The following DPP6 variants were observed in gnomAD, a reference collection of about 807,000 sequenced individuals.
DPP6 encodes dipeptidyl peptidase like 6.
Under a neutral mutation model 122.6 loss-of-function variants are expected in DPP6, and 69 were observed. That is an observed-to-expected ratio of 0.56 (90% CI 0.46 to 0.69). DPP6 has a LOEUF of 0.69. Among genes scored for constraint, DPP6 ranks in the 30% least tolerant of loss-of-function variants. The probability of loss-of-function intolerance (pLI) is 0.00; values close to 1 mark genes in which losing one functional copy is unlikely to be tolerated. For missense variants in DPP6, 928 were observed against 1,116.9 expected (o/e 0.83, Z 2.41); for synonymous variants, 418 against 433.1 (o/e 0.97, Z 0.43).
chr7:154,746,778 A>G (rs2131435173), intron 8 of DPP6, among the ~76,000 whole-genome samples: 1 of 152,330 alleles, frequency 6.6e-6, no homozygotes, highest in South Asian at 2.1e-4. Flanking sequence ...TTTCACAAAA[A>G]CAAACAGAAG....
intron 1 of DPP6, among the ~76,000 whole-genome samples, chr7:154,042,049 G>T (rs1322888728): frequency 6.6e-6 from 1 of 152,060 alleles, no homozygotes; most frequent in African/African-American, 2.4e-5. Flanking sequence ...GAGCCACGGC[G>T]CCTGGCCTCT....
At chr7:154,567,007 G>A (rs1457621175) in intron 5 of DPP6, 91 bp downstream of exon 5, 3 of 927,996 alleles carry the variant, frequency 3.2e-6, no homozygotes, top group Non-Finnish European at 4.9e-6. Context: ...TATACTTAGT[G>A]ATCTTTGAAT....
chr7:154,234,543 A>G (rs530297276), intron 1 of DPP6, among the ~76,000 whole-genome samples: 1 of 152,080 alleles, frequency 6.6e-6, no homozygotes, highest in Non-Finnish European at 1.5e-5. Context: ...CTACCTTTGG[A>G]CTTGAGGGGC....
At chr7:154,428,086 A>G (rs1818059271) in intron 1 of DPP6, among the ~76,000 whole-genome samples, 1 of 152,210 alleles carries the variant, frequency 6.6e-6, no homozygotes, top group Non-Finnish European at 1.5e-5. Context: ...AATTCTTCTG[A>G]ATAAGAAAAC....
At chr7:154,278,977 A>G (rs566871728) in intron 1 of DPP6, among the ~76,000 whole-genome samples, 1 of 151,582 alleles carries the variant, frequency 6.6e-6, no homozygotes, top group Non-Finnish European at 1.5e-5. Flanking sequence ...GTGTGTATAT[A>G]TGTGTGTGTG....
At chr7:154,112,977 A>G (rs557349885) in intron 1 of DPP6, among the ~76,000 whole-genome samples, 1 of 152,318 alleles carries the variant, frequency 6.6e-6, no homozygotes, top group African/African-American at 2.4e-5. Flanking sequence ...TGTAGGGTTT[A>G]TCCTTCTGTG....
chr7:154,778,520 A>G (rs1020456982), intron 10 of DPP6, among the ~76,000 whole-genome samples: 2 of 151,906 alleles, frequency 1.3e-5, no homozygotes, highest in Non-Finnish European at 2.9e-5. Flanking sequence ...AAAACAGCAC[A>G]GAACAATAGA....
intron 10 of DPP6, among the ~76,000 whole-genome samples, chr7:154,780,534 G>A (rs1312900626): frequency 1.3e-5 from 2 of 152,206 alleles, no homozygotes; most frequent in East Asian, 1.9e-4. Context: ...ATATCTTCCA[G>A]CTAGCAAAAC....
chr7:153,970,967 G>A (rs1585110955), intron 1 of DPP6, among the ~76,000 whole-genome samples: 1 of 152,180 alleles, frequency 6.6e-6, no homozygotes, highest in Admixed American at 6.5e-5. Context: ...GGCTATTCTA[G>A]ATTACTTATG....
intron 7 of DPP6, among the ~76,000 whole-genome samples, chr7:154,680,705 T>G (rs1839228575): frequency 6.9e-6 from 1 of 144,938 alleles, no homozygotes; most frequent in Non-Finnish European, 1.5e-5. Context: ...AAAAAAAAAT[T>G]AAAAAGAGAA....
intron 7 of DPP6, among the ~76,000 whole-genome samples, chr7:154,690,628 C>G (rs12719583): frequency 2.6e-5 from 4 of 152,200 alleles, no homozygotes; most frequent in African/African-American, 7.2e-5. Context: ...AACCACCCCC[C>G]ACCCCGCATC....
chr7:154,043,616 A>G (rs1436125669), intron 1 of DPP6, among the ~76,000 whole-genome samples: 1 of 150,858 alleles, frequency 6.6e-6, no homozygotes, highest in African/African-American at 2.4e-5. Flanking sequence ...AAAATTGCCT[A>G]CTCAAGGAAG....
chr7:153,941,268 GTGCTAGAGCTGCC>G (rs1260352003), intron 1 of DPP6, among the ~76,000 whole-genome samples: 1 of 152,218 alleles, frequency 6.6e-6, no homozygotes, highest in Non-Finnish European at 1.5e-5. Flanking sequence ...CAGCCTCGGG[GTGCTAGAGCTGCC>G]TGTGACCCAC....
chr7:153,891,429 TAA>T (rs1277287182), intron 1 of DPP6, among the ~76,000 whole-genome samples: 3 of 151,876 alleles, frequency 2.0e-5, no homozygotes, highest in African/African-American at 7.2e-5. Context: ...TTTAATATAC[TAA>T]GAGATAAATA....
rs145203925 is a variant in DPP6, at chr7:154,160,351, T to C, written c.243+107288T>C. Reference sequence around the variant, plus strand: ...ACTGCAGGCCATTCAGTACAGTGTTTTATTGTGCTGCAAAGTCACCTGTTT... The same window carrying C: ...ACTGCAGGCCATTCAGTACAGTGTTCTATTGTGCTGCAAAGTCACCTGTTT... On this transcript the variant is annotated intron_variant, in intron 1 of 25. Coordinates refer to ENST00000377770, the MANE Select transcript of DPP6 (RefSeq NM_130797.4). Among the ~76,000 whole-genome samples the C allele has an allele frequency of 8.5e-5, 13 of 152,292 alleles. No individual in the cohort carries two copies. The East Asian group carries it at 1.9e-3, about 23-fold the overall frequency.
the DPP6 span, among the ~76,000 whole-genome samples, chr7:153,868,251 G>A: frequency 6.6e-6 from 1 of 152,084 alleles, no homozygotes; most frequent in African/African-American, 2.4e-5. Flanking sequence ...TGTACCTCTG[G>A]TAGAATTTGG....
chr7:154,358,192 T>C (rs1482883627), intron 1 of DPP6, among the ~76,000 whole-genome samples: 2 of 152,212 alleles, frequency 1.3e-5, no homozygotes, highest in Non-Finnish European at 1.5e-5. Flanking sequence ...ACCATAGTTA[T>C]ACTGTGAGGT....
chr7:154,189,125 A>G lies in DPP6; in HGVS notation c.243+136062A>G, dbSNP rs191795972. Among the ~76,000 whole-genome samples the G allele has an allele frequency of 5.6e-3, 849 of 152,326 alleles. 7 individuals carry two copies. Among genetic ancestry groups the G allele is most frequent in the Non-Finnish European group, 7.8e-3 (534 of 68,036 alleles). On this transcript the variant is annotated intron_variant, in intron 1 of 25. Transcript: ENST00000377770. The stretch of plus-strand genomic sequence containing the variant: ...CATTTTCTGCAGGTTGTTAGGAAGT[A>G]GGGAAGGCTATTTTAAAATTGCTAA...
At chr7:154,522,489 G>A (rs2129987769) in intron 3 of DPP6, among the ~76,000 whole-genome samples, 1 of 152,278 alleles carries the variant, frequency 6.6e-6, no homozygotes. Flanking sequence ...CAGGTCTCGG[G>A]AGCACGTCTC....
Sources: gnomAD v4.1 joint callset for allele counts (sites outside exome capture counted in the v4.1 genomes callset) on GRCh38, gnomAD v4.1.1 for gene constraint, MANE v1.5 for transcripts, NCBI Gene and HGNC (gene_info 2026-07-23, HGNC 2026-07-21) for gene names.